The following ARID5B variants were observed in gnomAD, a reference collection of about 807,000 sequenced individuals.
ARID5B encodes AT-rich interaction domain 5B.
Under a neutral mutation model 97.2 loss-of-function variants are expected in ARID5B, and 13 were observed. The observed-to-expected ratio is 0.13, with a 90% CI of 0.09 to 0.21. The LOEUF is 0.21. Ranked by LOEUF, ARID5B falls within the 10% of genes least tolerant of loss-of-function variation. The probability of loss-of-function intolerance (pLI) is 1.00; values close to 1 mark genes in which losing one functional copy is unlikely to be tolerated. For synonymous variants in ARID5B, 556 were observed against 570.3 expected, an observed-to-expected ratio of 0.97 and a Z score of 0.36; for missense variants, 1,210 against 1,465.3, an observed-to-expected ratio of 0.83 and a Z score of 2.84.
At chr10:61,971,276 GA>G (rs1373882009) in intron 3 of ARID5B, among the ~76,000 whole-genome samples, 1 of 152,182 alleles carries the variant, frequency 6.6e-6, no homozygotes, top group Non-Finnish European at 1.5e-5. Flanking sequence ...TTAGAGTGGA[GA>G]AGAAAGAAAT....
intron 4 of ARID5B, among the ~76,000 whole-genome samples, chr10:62,014,900 T>C (rs1839263780): frequency 6.6e-6 from 1 of 152,154 alleles, no homozygotes; most frequent in Non-Finnish European, 1.5e-5. Context: ...ATATGAAACC[T>C]CAGATTAAGA....
intron 3 of ARID5B, among the ~76,000 whole-genome samples, chr10:61,994,235 G>A (rs1396907141): frequency 6.6e-6 from 1 of 151,990 alleles, no homozygotes; most frequent in Non-Finnish European, 1.5e-5. Context: ...AAAATCCTGG[G>A]GCGAAGGTTT....
chr10:61,920,729 C>A (rs1843999961), intron 2 of ARID5B, among the ~76,000 whole-genome samples: 1 of 152,002 alleles, frequency 6.6e-6, no homozygotes, highest in Non-Finnish European at 1.5e-5. Flanking sequence ...TAAATATGGG[C>A]CTTTGACTAT....
intron 6 of ARID5B, among the ~76,000 whole-genome samples, 200 bp downstream of exon 6, chr10:62,057,518 G>A (rs1273085775): frequency 6.6e-6 from 1 of 152,122 alleles, no homozygotes; most frequent in Non-Finnish European, 1.5e-5. Context: ...TGGGACAGTT[G>A]CAGTGAGATA....
intron 3 of ARID5B, among the ~76,000 whole-genome samples, chr10:61,986,870 A>T (rs1487008250): frequency 6.6e-6 from 1 of 152,162 alleles, no homozygotes; most frequent in Non-Finnish European, 1.5e-5. Context: ...TCTTTTAACT[A>T]CTGTTAAAGA....
intron 2 of ARID5B, among the ~76,000 whole-genome samples, chr10:61,927,076 T>G (rs922723171): frequency 2.6e-5 from 4 of 152,216 alleles, no homozygotes; most frequent in African/African-American, 9.6e-5. Flanking sequence ...GGACCATTAT[T>G]GTTCCTAGAC....
chr10:61,975,975 A>G (rs528314646), intron 3 of ARID5B, among the ~76,000 whole-genome samples: 31 of 152,272 alleles, frequency 2.0e-4, no homozygotes, highest in African/African-American at 6.7e-4. Flanking sequence ...ATGTTTAGAG[A>G]GGAAGAATCT....
At chr10:61,983,017 T>C (rs1346019138) in intron 3 of ARID5B, among the ~76,000 whole-genome samples, 2 of 152,216 alleles carry the variant, frequency 1.3e-5, no homozygotes, top group African/African-American at 4.8e-5. Context: ...TCAGAGACTC[T>C]TTCTTGGCTG....
intron 4 of ARID5B, among the ~76,000 whole-genome samples, chr10:62,009,646 T>C (rs1441360859): frequency 6.6e-6 from 1 of 152,180 alleles, no homozygotes; most frequent in Non-Finnish European, 1.5e-5. Context: ...CTGCTACAAA[T>C]GCAAGAAGCC....
chr10:62,043,673 G>C (rs541265856), intron 4 of ARID5B, among the ~76,000 whole-genome samples: 2 of 152,316 alleles, frequency 1.3e-5, no homozygotes, highest in South Asian at 4.1e-4. Context: ...CTGTTTTTAA[G>C]TGTTTCTGAG....
chr10:62,044,205 A>G (rs1839675933), intron 4 of ARID5B, among the ~76,000 whole-genome samples: 1 of 152,116 alleles, frequency 6.6e-6, no homozygotes, highest in African/African-American at 2.4e-5. Flanking sequence ...TTGGAAACTC[A>G]AAGTCCAGGT....
intron 7 of ARID5B, among the ~76,000 whole-genome samples, chr10:62,060,085 C>T (rs1839903422): frequency 6.6e-6 from 1 of 152,148 alleles, no homozygotes; most frequent in African/African-American, 2.4e-5. Flanking sequence ...TGTGTAGTTT[C>T]TTCTTGCAAT....
intron 2 of ARID5B, among the ~76,000 whole-genome samples, chr10:61,932,976 G>T (rs1463583772): frequency 6.6e-6 from 1 of 152,074 alleles, no homozygotes; most frequent in African/African-American, 2.4e-5. Context: ...CCACCTATTC[G>T]GGAGGCTGAA....
rs760937345 is a variant in ARID5B at position 62,040,658 on chromosome 10, T to G, written c.734-10230T>G. Among the ~76,000 whole-genome samples the G allele has an allele frequency of 5.2e-4, 79 of 152,216 alleles. 1 individual carries two copies. The highest frequency in any genetic ancestry group is 5.9e-5 in the Non-Finnish European group (4 of 68,038). The stretch of plus-strand genomic sequence containing the variant: ...GTAAAAAGAAACATGTGGAGTTAAT[T>G]TTAATAATATATTTTATTTAACCCA... On this transcript the variant is annotated intron_variant, in intron 4 of 9. Transcript: ENST00000279873.
At chr10:61,921,052 A>G (rs1844006140) in intron 2 of ARID5B, among the ~76,000 whole-genome samples, 1 of 152,056 alleles carries the variant, frequency 6.6e-6, no homozygotes, top group African/African-American at 2.4e-5. Context: ...TCAACTCTGC[A>G]GAAAATTATC....
intron 2 of ARID5B, among the ~76,000 whole-genome samples, chr10:61,909,011 T>A (rs980445599): frequency 9.9e-5 from 15 of 152,106 alleles, no homozygotes; most frequent in Admixed American, 8.5e-4. Context: ...TGTCTTCATC[T>A]TTGAATTATT....
intron 7 of ARID5B, among the ~76,000 whole-genome samples, chr10:62,063,510 T>TAA (rs11343237): frequency 5.6e-5 from 8 of 141,748 alleles, no homozygotes; most frequent in African/African-American, 1.0e-4. Context: ...CAAATTGAAT[T>TAA]AAAAAAAAAA....
chr10:61,995,727 C>T (rs1173282280), intron 3 of ARID5B, among the ~76,000 whole-genome samples: 2 of 152,160 alleles, frequency 1.3e-5, no homozygotes, highest in African/African-American at 4.8e-5. Context: ...AAACTTCAAC[C>T]TAGCTTCAAC....
At chr10:62,062,169 T>G (rs1379958407) in intron 7 of ARID5B, among the ~76,000 whole-genome samples, 1 of 152,196 alleles carries the variant, frequency 6.6e-6, no homozygotes, top group Non-Finnish European at 1.5e-5. Flanking sequence ...GTCCAGGAGA[T>G]GTACAAATAA....
Sources: gnomAD v4.1 joint callset for allele counts (sites outside exome capture counted in the v4.1 genomes callset) on GRCh38, gnomAD v4.1.1 for gene constraint, MANE v1.5 for transcripts, NCBI Gene and HGNC (gene_info 2026-07-23, HGNC 2026-07-21) for gene names.